TMIGD3: variants seen among roughly 807,000 people sequenced by gnomAD.
TMIGD3 encodes transmembrane and immunoglobulin domain containing 3, also known as AD026 protein (AD026).
In TMIGD3, 21 loss-of-function variants were observed where a neutral mutation model predicts 28.1. That is an observed-to-expected ratio of 0.75 (90% CI 0.53 to 1.08). The LOEUF (loss-of-function observed/expected upper bound fraction) is 1.08. Ranked by LOEUF, TMIGD3 falls within the 50% of genes least tolerant of loss-of-function variation. The pLI, the probability that TMIGD3 is intolerant of heterozygous loss-of-function variation, is 0.00. For synonymous variants in TMIGD3, 151 were observed against 162.1 expected, an observed-to-expected ratio of 0.93 and a Z score of 0.52; for missense variants, 416 against 435.6, an observed-to-expected ratio of 0.96 and a Z score of 0.40.
rs750419502 is a variant in TMIGD3 at position 111,485,746 on chromosome 1, T to C, written c.967A>G (p.Arg323Gly). The C allele has an allele frequency of 1.1e-6, 1 of 940,090 alleles. No homozygotes were observed. 58.2% of individuals were successfully genotyped at this position (940,090 alleles called of 1,614,324 possible). The change falls in exon 5 of 6, where the codon AGA becomes GGA. Residue 323 changes from arginine (R) to glycine (G), a missense_variant. Physicochemically the swap from Arg to Gly is moderately radical, Grantham distance 125 (BLOSUM62 -2). Coordinates refer to ENST00000369716, the MANE Select transcript of TMIGD3 (RefSeq NM_020683.7). ...LTKRRRSQRN[R>G]RVGNTLKPFS... ...CTCAACAATAGCTACTTACCCCTTC[T>C]ATTCCTTTGACTTCTCCTCCTTTTG...
chr1:111,500,972 C>T lies in TMIGD3; in HGVS notation c.350+2033G>A, dbSNP rs186780055. 5.6e-4 allele frequency: 129 copies of T among 229,540 alleles called. 3 individuals are homozygous for T. The East Asian group carries it at 9.3e-3, about 17-fold the overall frequency. 14.2% of individuals were successfully genotyped at this position (229,540 alleles called of 1,614,324 possible). A position where few individuals can be genotyped will look rare whatever the true frequency, so the allele number is the denominator to read the frequency against. Reference sequence around the variant, plus strand: ...CACAGGTGAATTCAGCAGTTTAAGTCCCCCTTGAACTCAGTTTACTCCTTC... The same window carrying T: ...CACAGGTGAATTCAGCAGTTTAAGTTCCCCTTGAACTCAGTTTACTCCTTC... On this transcript the variant is annotated intron_variant, in intron 1 of 5. Coordinates refer to ENST00000369716, the MANE Select transcript of TMIGD3 (RefSeq NM_020683.7).
intron 3 of TMIGD3, among the ~76,000 whole-genome samples, chr1:111,488,458 C>T (rs1299149712): frequency 2.0e-5 from 3 of 152,150 alleles, no homozygotes; most frequent in Admixed American, 6.5e-5. Context: ...CTAAAAGTGC[C>T]CCAGGGCGCA....
intron 2 of TMIGD3, chr1:111,490,454 T>C (rs1654601587): frequency 1.8e-6 from 1 of 565,458 alleles, no homozygotes; most frequent in South Asian, 2.4e-5. Context: ...GCTTTTCAAT[T>C]TCCTCACAAA....
intron 3 of TMIGD3, among the ~76,000 whole-genome samples, chr1:111,487,765 G>A (rs115108936): frequency 0.031 from 4,670 of 152,106 alleles, 88 homozygotes; most frequent in Non-Finnish European, 0.039. Context: ...AGCAAAATAG[G>A]GTGCTTACTA....
At position 111,503,412 on chromosome 1, in the gene TMIGD3, G is replaced by C; in HGVS notation, c.-58C>G. The stretch of plus-strand genomic sequence containing the variant: ...GGTGAGCCAGCAAGATCCGTCTGTA[G>C]GGCCAGTGGGCCTAGCTCTCGCCAG... On this transcript the variant is annotated 5_prime_UTR_variant, in exon 1 of 6. Transcript: ENST00000369716. 6.5e-7 allele frequency: 1 copy of C among 1,536,946 alleles called. No homozygotes were observed.
At chr1:111,499,449 A>C in intron 1 of TMIGD3, 1 of 992,076 alleles carries the variant, frequency 1.0e-6, no homozygotes, top group Non-Finnish European at 1.2e-6. Flanking sequence ...GCTTTTATTT[A>C]CTCAAAAACA....
At chr1:111,558,251 C>A (rs1657584080) in intron 1 of TMIGD3, among the ~76,000 whole-genome samples, 1 of 152,112 alleles carries the variant, frequency 6.6e-6, no homozygotes, top group Admixed American at 6.5e-5. Flanking sequence ...AATCTTGGCT[C>A]ACTGCAACCT....
intron 1 of TMIGD3, among the ~76,000 whole-genome samples, chr1:111,492,919 A>G (rs777672030): frequency 6.2e-4 from 95 of 152,154 alleles, no homozygotes; most frequent in Non-Finnish European, 8.8e-4. Flanking sequence ...TGGTGTATTA[A>G]TTCCATAGAA....
At chr1:111,487,557 GT>G (rs1654445021) in intron 3 of TMIGD3, among the ~76,000 whole-genome samples, 1 of 151,814 alleles carries the variant, frequency 6.6e-6, no homozygotes. Flanking sequence ...TAAGTCCTCT[GT>G]CTGAGAGACA....
chr1:111,522,061 AC>A (rs1426367593), intron 1 of TMIGD3, among the ~76,000 whole-genome samples: 3 of 152,114 alleles, frequency 2.0e-5, no homozygotes, highest in Non-Finnish European at 4.4e-5. Context: ...AAATCAATTG[AC>A]CATATACGTA....
intron 1 of TMIGD3, among the ~76,000 whole-genome samples, chr1:111,542,994 C>A (rs1052526104): frequency 1.3e-5 from 2 of 152,120 alleles, no homozygotes; most frequent in East Asian, 3.9e-4. Context: ...AGCCATGGCG[C>A]CCGGCCATGT....
At chr1:111,507,508 A>C (rs1304830767), upstream of TMIGD3, among the ~76,000 whole-genome samples, 1 of 152,186 alleles carries the variant, frequency 6.6e-6, no homozygotes, top group Non-Finnish European at 1.5e-5. Context: ...GGCAGCAGAG[A>C]TGATTCATCT....
intron 2 of TMIGD3, 177 bp downstream of exon 2, chr1:111,490,479 C>T: frequency 5.1e-6 from 3 of 586,790 alleles, no homozygotes; most frequent in Non-Finnish European, 9.1e-6. Context: ...CTTATCTGAG[C>T]TAAGAACAAG....
chr1:111,490,867 G>A (rs1053102925), intron 1 of TMIGD3, 105 bp from the exon 2 acceptor site: 1 of 764,600 alleles, frequency 1.3e-6, no homozygotes, highest in African/African-American at 1.7e-5. Flanking sequence ...GTGCTGCCAT[G>A]TATAGATACA....
intron 1 of TMIGD3, among the ~76,000 whole-genome samples, chr1:111,554,959 G>A (rs1450333194): frequency 5.9e-5 from 9 of 152,064 alleles, no homozygotes; most frequent in African/African-American, 2.2e-4. Context: ...GTGACCTACC[G>A]AGACTTTAAA....
At chr1:111,561,632 A>C (rs537740391) in intron 1 of TMIGD3, among the ~76,000 whole-genome samples, 1 of 152,294 alleles carries the variant, frequency 6.6e-6, no homozygotes, top group African/African-American at 2.4e-5. Flanking sequence ...ATTCAATCAT[A>C]GGCCATTACT....
chr1:111,549,960 G>A (rs1657196122), intron 1 of TMIGD3, among the ~76,000 whole-genome samples: 1 of 151,950 alleles, frequency 6.6e-6, no homozygotes, highest in African/African-American at 2.4e-5. Flanking sequence ...CCTTGTTTTG[G>A]GTTTTTTTGT....
intron 1 of TMIGD3, among the ~76,000 whole-genome samples, chr1:111,495,023 A>T (rs1654827383): frequency 5.3e-5 from 8 of 152,232 alleles, no homozygotes; most frequent in Admixed American, 5.2e-4. Context: ...TAAATGTAAA[A>T]CTCAAAACTA....
At chr1:111,518,723 G>T (rs1431253877) in intron 1 of TMIGD3, among the ~76,000 whole-genome samples, 1 of 152,170 alleles carries the variant, frequency 6.6e-6, no homozygotes, top group Non-Finnish European at 1.5e-5. Context: ...AATAAGGAAG[G>T]TGTGAACTAG....
Sources: allele counts gnomAD v4.1 joint callset (sites outside exome capture counted in the v4.1 genomes callset), GRCh38; gene constraint gnomAD v4.1.1; transcripts MANE v1.5; gene names NCBI Gene and HGNC (gene_info 2026-07-23, HGNC 2026-07-21).